SHISA6: variants seen among roughly 807,000 people sequenced by gnomAD.
The protein encoded by SHISA6 is shisa family member 6, also known as protein shisa-6.
In SHISA6, 22 loss-of-function variants were observed where a neutral mutation model predicts 47.9. The ratio of observed to expected loss-of-function variants is 0.46; its 90% CI spans 0.33 to 0.66. SHISA6 has a LOEUF of 0.66. Ranked by LOEUF, SHISA6 falls within the 30% of genes least tolerant of loss-of-function variation. The probability of loss-of-function intolerance (pLI) is 0.02; values close to 1 mark genes in which losing one functional copy is unlikely to be tolerated. For missense variants in SHISA6, 680 were observed against 764.6 expected, an observed-to-expected ratio of 0.89 and a Z score of 1.30; for synonymous variants, 388 against 337.8, an observed-to-expected ratio of 1.15 and a Z score of -1.63.
chr17:11,284,890 C>G (rs1431412103), intron 2 of SHISA6, among the ~76,000 whole-genome samples: 1 of 152,332 alleles, frequency 6.6e-6, no homozygotes, highest in East Asian at 1.9e-4. Flanking sequence ...CTCCATTCCT[C>G]TGTCCACCTC....
At chr17:11,513,598 G>A (rs2071559456) in intron 3 of SHISA6, among the ~76,000 whole-genome samples, 1 of 152,126 alleles carries the variant, frequency 6.6e-6, no homozygotes, top group Non-Finnish European at 1.5e-5. Flanking sequence ...TGATATGCTT[G>A]AGAACTTGTT....
intron 2 of SHISA6, among the ~76,000 whole-genome samples, chr17:11,283,260 A>G (rs1909184329): frequency 6.6e-6 from 1 of 152,242 alleles, no homozygotes; most frequent in Non-Finnish European, 1.5e-5. Flanking sequence ...GTATATATGT[A>G]TCAGTTAATC....
At chr17:11,270,237 G>A (rs1252761997) in intron 2 of SHISA6, among the ~76,000 whole-genome samples, 1 of 152,232 alleles carries the variant, frequency 6.6e-6, no homozygotes, top group Non-Finnish European at 1.5e-5. Flanking sequence ...GCCTCCCAAA[G>A]TGCTGGGATT....
intron 2 of SHISA6, among the ~76,000 whole-genome samples, chr17:11,284,316 C>T (rs768861044): frequency 4.6e-5 from 7 of 152,304 alleles, no homozygotes; most frequent in South Asian, 2.1e-4. Context: ...CTTCAGAGAA[C>T]CAGATGTTTT....
At chr17:11,378,329 TTGTG>T (rs60667121) in intron 2 of SHISA6, among the ~76,000 whole-genome samples, 3 of 150,510 alleles carry the variant, frequency 2.0e-5, no homozygotes, top group Non-Finnish European at 3.0e-5. Context: ...TTTTTCTATC[TTGTG>T]TGTGTGTGTG....
intron 3 of SHISA6, among the ~76,000 whole-genome samples, chr17:11,423,250 TATATA>T (rs1386805819): frequency 6.8e-6 from 1 of 147,170 alleles, no homozygotes; most frequent in Non-Finnish European, 1.5e-5. Context: ...TATATATATA[TATATA>T]ATATATATAT....
At chr17:11,495,486 C>T (rs1343073473) in intron 3 of SHISA6, among the ~76,000 whole-genome samples, 2 of 152,106 alleles carry the variant, frequency 1.3e-5, no homozygotes, top group Admixed American at 6.5e-5. Context: ...GCATGGCTGG[C>T]CCAGGTGTGC....
intron 1 of SHISA6, among the ~76,000 whole-genome samples, chr17:11,255,940 G>A (rs1907991094): frequency 2.6e-5 from 4 of 152,234 alleles, no homozygotes. Context: ...AGCCTCGTAA[G>A]CACTTTACAA....
At chr17:11,450,897 G>A (rs1272890259) in intron 3 of SHISA6, among the ~76,000 whole-genome samples, 1 of 150,932 alleles carries the variant, frequency 6.6e-6, no homozygotes, top group Non-Finnish European at 1.5e-5. Context: ...CTGGGTCCAG[G>A]TTTCTTGTCA....
intron 2 of SHISA6, among the ~76,000 whole-genome samples, chr17:11,291,894 A>T (rs1484349043): frequency 6.6e-6 from 1 of 152,120 alleles, no homozygotes; most frequent in Admixed American, 6.5e-5. Flanking sequence ...TTTTAAAACT[A>T]TTTATTTATT....
At chr17:11,350,680 C>T (rs1911858618) in intron 2 of SHISA6, among the ~76,000 whole-genome samples, 1 of 152,054 alleles carries the variant, frequency 6.6e-6, no homozygotes, top group Non-Finnish European at 1.5e-5. Context: ...TTACCTTTAT[C>T]TTTATTTAAT....
chr17:11,285,809 T>C (rs890358453), intron 2 of SHISA6, among the ~76,000 whole-genome samples: 1 of 150,618 alleles, frequency 6.6e-6, no homozygotes, highest in Non-Finnish European at 1.5e-5. Context: ...GTGGTGCTGG[T>C]GGTGTGGCTC....
In SHISA6 at chr17:11,333,493, C is replaced by T. The variant is rs147769880; in HGVS notation, c.800-45921C>T. Among the ~76,000 whole-genome samples, 61 of 152,154 alleles carry T rather than the reference C, an allele frequency of 4.0e-4. No homozygotes were observed. In the East Asian group the frequency reaches 8.3e-3, roughly 21 times the overall value. ...AATCTGTTGAAAACTCTATGTTCTT[C>T]TTCTTCTTCTTCTTTTTTATTTATT... On this transcript the variant is annotated intron_variant, in intron 2 of 5. Coordinates refer to ENST00000441885, the MANE Select transcript of SHISA6 (RefSeq NM_207386.4).
rs554855924 is a variant in SHISA6 at position 11,386,411 on chromosome 17, T to C, written c.895+6902T>C. 3.4e-4 allele frequency among the ~76,000 whole-genome samples: 52 copies of C among 152,120 alleles called. 1 individual carries two copies. The South Asian group carries it at 8.9e-3, about 26-fold the overall frequency. On this transcript the variant is annotated intron_variant, in intron 3 of 5. Transcript: ENST00000441885. The stretch of plus-strand genomic sequence containing the variant: ...AAGAAAAAGAAAAAGTAATAGAAGA[T>C]TTTAAAATAAGAGAATGGGAGAAGA...
At chr17:11,279,013 T>C (rs1406288120) in intron 2 of SHISA6, among the ~76,000 whole-genome samples, 1 of 152,152 alleles carries the variant, frequency 6.6e-6, no homozygotes, top group African/African-American at 2.4e-5. Flanking sequence ...CCTCGTGTTT[T>C]CCACAGAAAG....
chr17:11,519,101 T>C (rs940030808), intron 3 of SHISA6, among the ~76,000 whole-genome samples: 11 of 152,318 alleles, frequency 7.2e-5, no homozygotes, highest in Non-Finnish European at 1.3e-4. Flanking sequence ...AGTCCCTCTT[T>C]CTGCTCAGAC....
chr17:11,332,415 C>T (rs1223137119), intron 2 of SHISA6, among the ~76,000 whole-genome samples: 2 of 152,142 alleles, frequency 1.3e-5, no homozygotes, highest in African/African-American at 2.4e-5. Flanking sequence ...TTCATCTGGA[C>T]ACTTAAGAAT....
chr17:11,392,391 G>A (rs1267359589), intron 3 of SHISA6, among the ~76,000 whole-genome samples: 2 of 152,162 alleles, frequency 1.3e-5, no homozygotes, highest in Non-Finnish European at 2.9e-5. Flanking sequence ...TGGCTCTTGG[G>A]GGAGGATTCC....
At chr17:11,277,565 T>C (rs1336549639) in intron 2 of SHISA6, among the ~76,000 whole-genome samples, 1 of 152,216 alleles carries the variant, frequency 6.6e-6, no homozygotes. Context: ...TGAATGCCCT[T>C]ATTTAATACG....
Sources: allele counts gnomAD v4.1 joint callset (sites outside exome capture counted in the v4.1 genomes callset), GRCh38; gene constraint gnomAD v4.1.1; transcripts MANE v1.5; gene names NCBI Gene and HGNC (gene_info 2026-07-23, HGNC 2026-07-21).